The following ABCD4 variants were observed in gnomAD, a reference collection of about 807,000 sequenced individuals.
The protein encoded by ABCD4 is lysosomal cobalamin transporter ABCD4.
A neutral mutation model predicts 86.3 loss-of-function variants in ABCD4; 53 were observed. The observed-to-expected ratio is 0.61, with a 90% confidence interval of 0.49 to 0.77. The LOEUF is 0.77. ABCD4 is among the 30% of genes least tolerant of loss of function. The probability of loss-of-function intolerance (pLI) is 0.00; values close to 1 mark genes in which losing one functional copy is unlikely to be tolerated. For synonymous variants in ABCD4, 328 were observed against 313.6 expected (o/e 1.05, Z -0.49); for missense variants, 757 against 764.5 (o/e 0.99, Z 0.12).
chr14:74,289,512 T>C lies in ABCD4; in HGVS notation c.1427A>G (p.Tyr476Cys). 6.2e-7 allele frequency: 1 copy of C among 1,613,506 alleles called. No individual in the cohort carries two copies. Among genetic ancestry groups the C allele is most frequent in the Non-Finnish European group, 8.5e-7 (1 of 1,179,814 alleles). The change falls in exon 14 of 19, where the codon TAT (tyrosine) becomes TGT (cysteine). Residue 476 changes from tyrosine to cysteine, a missense_variant. Tyr to Cys is a radical substitution (Grantham distance 194, BLOSUM62 -2). Transcript: ENST00000356924. ...GTCGGGGTAGACCTCCTTCAGGGGA[T>C]ATATCACCTGAGAAAAGAAAAAAAC... ...TDGTLREQVI[Y>C]PLKEVYPDSG...
intron 3 of ABCD4, 98 bp from the exon 4 acceptor site, chr14:74,298,167 G>A: frequency 6.6e-7 from 1 of 1,522,684 alleles, no homozygotes; most frequent in Non-Finnish European, 8.8e-7. Context: ...ACCCATCCCA[G>A]CCCACTCTGA....
intron 1 of ABCD4, among the ~76,000 whole-genome samples, chr14:74,301,437 G>A (rs2084487140): frequency 6.8e-6 from 1 of 147,974 alleles, no homozygotes; most frequent in Non-Finnish European, 1.5e-5. Context: ...TAGGATGACA[G>A]GTGTGAGCCA....
At chr14:74,301,144 G>T (rs1249664495) in intron 1 of ABCD4, among the ~76,000 whole-genome samples, 14 of 148,480 alleles carry the variant, frequency 9.4e-5, no homozygotes, top group African/African-American at 3.0e-4. Context: ...GTGAGCCACC[G>T]CGCCTGGCCT....
In ABCD4 at chr14:74,296,420, C is replaced by T. The variant is rs142556108; in HGVS notation, c.455G>A (p.Arg152Gln). The T allele has an allele frequency of 1.9e-5, 31 of 1,613,930 alleles. No individual in the cohort carries two copies. The highest frequency in any genetic ancestry group is 2.3e-5 in the Non-Finnish European group (27 of 1,180,024). The change falls in exon 5 of 19, where the codon CGA becomes CAA. Residue 152 changes from arginine (R) to glutamine (Q), a missense_variant. Coordinates refer to ENST00000356924, the MANE Select transcript of ABCD4 (RefSeq NM_005050.4). ...CATGCTGCTGAGCTGCCGGCAGAAT[C>T]GCTCCACGTCCTGGCTGATGCGCTG... ...PDQRISQDVE[R>Q]FCRQLSSMAS...
rs538531128 is a variant in ABCD4, at chr14:74,285,714, T to G, written c.*747A>C. 2.0e-5 allele frequency: 3 copies of G among 152,270 alleles called. No homozygotes were observed. The South Asian group carries it at 6.2e-4, about 32-fold the overall frequency. 9.4% of individuals were successfully genotyped at this position (152,270 alleles called of 1,614,324 possible). ...GTTGTTGTTCCCTAATATAGACTATTTTTTTAGAAAACCCAACCTTATTTT... is the reference window on the plus strand; with the variant it reads ...GTTGTTGTTCCCTAATATAGACTATGTTTTTAGAAAACCCAACCTTATTTT... On this transcript the variant is annotated 3_prime_UTR_variant, in exon 19 of 19. Transcript: ENST00000356924.
chr14:74,294,674 G>A, intron 7 of ABCD4: 1 of 161,088 alleles, frequency 6.2e-6, no homozygotes, highest in South Asian at 1.8e-4. Context: ...TGCTCCTGCT[G>A]CTGCCGTCAG....
chr14:74,302,362 GA>G (rs1471155301), intron 1 of ABCD4, among the ~76,000 whole-genome samples: 3 of 152,176 alleles, frequency 2.0e-5, no homozygotes, highest in African/African-American at 7.2e-5. Flanking sequence ...ATATTATATT[GA>G]AGAATTCGAA....
intron 2 of ABCD4, chr14:74,299,908 C>G: frequency 1.7e-6 from 1 of 582,464 alleles, no homozygotes; most frequent in East Asian, 3.0e-5. Flanking sequence ...CTGAAAAATA[C>G]AAAGTTTAGT....
rs77059299 is a variant in ABCD4, at chr14:74,297,569, T to C, written c.425+361A>G. The C allele has an allele frequency of 7.0e-3, 1,965 of 282,218 alleles. 32 individuals carry two copies. The highest frequency in any genetic ancestry group is 0.041 in the African/African-American group (1,826 of 44,038). 17.5% of individuals were successfully genotyped at this position (282,218 alleles called of 1,614,324 possible). A position where few individuals can be genotyped will look rare whatever the true frequency, so the allele number is the denominator to read the frequency against. On this transcript the variant is annotated intron_variant, in intron 4 of 18. Transcript: ENST00000356924. Reference sequence around the variant, plus strand: ...AAGCTGCTCCTAACATTTTTCTTTTTTTTAAGAGATGGGGGTTTCTGCTAT... The same window carrying C: ...AAGCTGCTCCTAACATTTTTCTTTTCTTTAAGAGATGGGGGTTTCTGCTAT...
Position 74,288,235 on chromosome 14 carries a change from C to T in ABCD4, c.1531G>A (p.Gly511Ser). The change falls in exon 16 of 19, where the codon GGC becomes AGC. Residue 511 changes from glycine to serine, a missense_variant. Coordinates refer to ENST00000356924, the MANE Select transcript of ABCD4 (RefSeq NM_005050.4). ...GLSNLVARTE[G>S]LDQQVDWNWY... ...TTCCAGTCCACCTGCTGGTCCAGGC[C>T]CTCTGTCCTTGCCACCAAGTTGGAC... is the stretch of plus-strand genomic sequence containing the variant. 1 of 1,611,768 alleles carries T rather than the reference C, an allele frequency of 6.2e-7. No individual in the cohort carries two copies. The highest frequency in any genetic ancestry group is 2.2e-5 in the East Asian group (1 of 44,846).
At position 74,288,197 on chromosome 14, in the gene ABCD4, C is replaced by CT; in HGVS notation, c.1559+9dup. ...GGGCTATCTCTGGAGCACCCAAGCT[C>CT]TTTTCTTACCAGTTCCAGTCCACCT... On this transcript the variant is annotated intron_variant, in intron 16 of 18. Coordinates refer to ENST00000356924, the MANE Select transcript of ABCD4 (RefSeq NM_005050.4). 1 of 1,612,268 alleles carries CT rather than the reference C, an allele frequency of 6.2e-7. No individual in the cohort carries two copies. Among genetic ancestry groups the CT allele is most frequent in the Non-Finnish European group, 8.5e-7 (1 of 1,179,264 alleles).
At chr14:74,289,409 T>C in intron 14 of ABCD4, 74 bp downstream of exon 14, 1 of 1,594,256 alleles carries the variant, frequency 6.3e-7, no homozygotes. Context: ...AGGGCACAGA[T>C]GAGGCCACAG....
At chr14:74,292,933 C>T (rs1318651735) in intron 8 of ABCD4, 64 bp from the exon 9 acceptor site, 5 of 1,607,324 alleles carry the variant, frequency 3.1e-6, no homozygotes, top group Non-Finnish European at 3.4e-6. Context: ...GGACACAACC[C>T]TAAGACAGGG....
In ABCD4 at chr14:74,290,493, T is replaced by C. The variant is rs1396537436; in HGVS notation, c.1125A>G (p.Pro375=). The change falls in exon 12 of 19, where the codon CCA becomes CCG. Residue 375 remains proline, a synonymous_variant. Coordinates refer to ENST00000356924, the MANE Select transcript of ABCD4 (RefSeq NM_005050.4). ...CTGCTGGCTCTGCCGCTGGCCACCC[T>C]GGGGGTCTGTGTCAGAGAAGAGAGG... The part of the protein sequence containing the change: ...GESEWGLDTP[P]GWPAAEPADT... 3 of 1,612,484 alleles carry C rather than the reference T, an allele frequency of 1.9e-6. No homozygotes were observed. The highest frequency in any genetic ancestry group is 1.7e-6 in the Non-Finnish European group (2 of 1,179,912).
rs35144250 is a variant in ABCD4 at position 74,290,683 on chromosome 14, C to CT, written c.1119-185dup. ...ATGTAACTGCATTCGGAGGCAGGGT[C>CT]TTTTTTTTTTTTTTTTTTTTTGAGA... On this transcript the variant is annotated intron_variant, in intron 11 of 18. Transcript: ENST00000356924. 0.45 allele frequency among the ~76,000 whole-genome samples: 46,655 copies of CT among 103,932 alleles called. 11,472 individuals are homozygous for CT. The highest frequency in any genetic ancestry group is 0.71 in the East Asian group (2,368 of 3,336). 68.2% of individuals were successfully genotyped at this position (103,932 alleles called of 152,430 possible).
rs780802823 is a variant in ABCD4 at position 74,297,982 on chromosome 14, G to T, written c.373C>A (p.Arg125=). ...TTGAGGGTGTAGTACGCACGGCCCCGGAAGTAGAGGCGGTGAAGGTGCTCA... is the reference window on the plus strand; with the variant it reads ...TTGAGGGTGTAGTACGCACGGCCCCTGAAGTAGAGGCGGTGAAGGTGCTCA... The part of the protein sequence containing the change: ...LTEHLHRLYF[R]GRAYYTLNVL... Residue 125 remains arginine, a synonymous_variant, in exon 4 of 19, where the codon CGG becomes AGG. Coordinates refer to ENST00000356924, the MANE Select transcript of ABCD4 (RefSeq NM_005050.4). The T allele has an allele frequency of 6.2e-7, 1 of 1,613,982 alleles. No homozygotes were observed. The highest frequency in any genetic ancestry group is 8.5e-7 in the Non-Finnish European group (1 of 1,179,924).
rs1566950832 is a variant in ABCD4 at position 74,292,280 on chromosome 14, T to C, written c.1118+7A>G. Reference sequence around the variant, plus strand: ...CTCAACTACTGCTCTGCCAGCCCGCTACTCACGTGTCCAAGCCCCACTCGC... The same window carrying C: ...CTCAACTACTGCTCTGCCAGCCCGCCACTCACGTGTCCAAGCCCCACTCGC... On this transcript the variant is annotated splice_region_variant and intron_variant, in intron 11 of 18. Coordinates refer to ENST00000356924, the MANE Select transcript of ABCD4 (RefSeq NM_005050.4). 2 of 1,613,852 alleles carry C rather than the reference T, an allele frequency of 1.2e-6. No homozygotes were observed. Among genetic ancestry groups the C allele is most frequent in the Admixed American group, 1.7e-5 (1 of 60,010 alleles).
intron 5 of ABCD4, 93 bp downstream of exon 5, chr14:74,296,240 G>T: frequency 7.6e-7 from 1 of 1,323,338 alleles, no homozygotes; most frequent in Non-Finnish European, 1.1e-6. Flanking sequence ...CGGTGGGAGA[G>T]AGGGGAAATA....
At chr14:74,299,747 C>T in intron 2 of ABCD4, 72 bp from the exon 3 acceptor site, 1 of 1,483,226 alleles carries the variant, frequency 6.7e-7, no homozygotes, top group Non-Finnish European at 9.2e-7. Flanking sequence ...TCCTGAGTCC[C>T]TGCCTCATCA....
Sources: gnomAD v4.1 joint callset for allele counts (sites outside exome capture counted in the v4.1 genomes callset) on GRCh38, gnomAD v4.1.1 for gene constraint, MANE v1.5 for transcripts, NCBI Gene and HGNC (gene_info 2026-07-23, HGNC 2026-07-21) for gene names.